ITPRID1: variants seen among roughly 807,000 people sequenced by gnomAD.
The protein encoded by ITPRID1 is protein ITPRID1.
Under a neutral mutation model 95.4 loss-of-function variants are expected in ITPRID1, and 96 were observed. That is an observed-to-expected ratio of 1.01 (90% confidence interval 0.85 to 1.19). The LOEUF (loss-of-function observed/expected upper bound fraction) is 1.19. Ranked by LOEUF, ITPRID1 falls within the 50% of genes most tolerant of loss-of-function variation. The probability of loss-of-function intolerance (pLI) is 0.00; values close to 1 mark genes in which losing one functional copy is unlikely to be tolerated. For synonymous variants in ITPRID1, 510 were observed against 453.6 expected (o/e 1.12, Z -1.58); for missense variants, 1,339 against 1,252.9 (o/e 1.07, Z -1.04).
chr7:31,516,450 T>G (rs1468855354), intron 1 of ITPRID1, among the ~76,000 whole-genome samples: 2 of 152,232 alleles, frequency 1.3e-5, no homozygotes, highest in Non-Finnish European at 2.9e-5. Context: ...TACTGTCTAA[T>G]TTAAAACACC....
intron 10 of ITPRID1, among the ~76,000 whole-genome samples, chr7:31,613,939 C>G (rs1442949978): frequency 6.6e-6 from 1 of 152,140 alleles, no homozygotes; most frequent in African/African-American, 2.4e-5. Flanking sequence ...TGGAAATATT[C>G]CATATTCCCT....
chr7:31,629,692 A>G (rs1421634015), intron 10 of ITPRID1, among the ~76,000 whole-genome samples: 2 of 152,216 alleles, frequency 1.3e-5, no homozygotes. Context: ...GCATCCTCAT[A>G]TTAGATGCCA....
At chr7:31,590,649 T>C (rs1290562640) in intron 10 of ITPRID1, among the ~76,000 whole-genome samples, 2 of 152,138 alleles carry the variant, frequency 1.3e-5, no homozygotes, top group South Asian at 2.1e-4. Flanking sequence ...AGAGATTTCA[T>C]TGGAGAACAC....
At chr7:31,599,609 CTTT>C (rs2128159057) in intron 10 of ITPRID1, among the ~76,000 whole-genome samples, 1 of 49,212 alleles carries the variant, frequency 2.0e-5, no homozygotes, top group Admixed American at 1.8e-4. Flanking sequence ...TTCTTTCTTT[CTTT>C]CTTTCTTTCT....
intron 10 of ITPRID1, among the ~76,000 whole-genome samples, chr7:31,623,710 G>T (rs111777111): frequency 7.2e-6 from 1 of 138,184 alleles, no homozygotes; most frequent in Non-Finnish European, 1.6e-5. Flanking sequence ...AGTTTTCAAA[G>T]GAAAACTTTG....
intron 10 of ITPRID1, among the ~76,000 whole-genome samples, chr7:31,612,593 C>T (rs926784313): frequency 1.1e-4 from 16 of 152,258 alleles, no homozygotes; most frequent in South Asian, 4.1e-4. Flanking sequence ...GAAGTTCCTA[C>T]TTGAATAGCC....
chr7:31,574,473 G>A, intron 7 of ITPRID1, 67 bp from the exon 8 acceptor site: 1 of 1,420,404 alleles, frequency 7.0e-7, no homozygotes. Context: ...GGTGGATGAG[G>A]TGACCAGAAA....
intron 1 of ITPRID1, among the ~76,000 whole-genome samples, chr7:31,532,863 T>G: frequency 6.6e-6 from 1 of 152,190 alleles, no homozygotes; most frequent in South Asian, 2.1e-4. Flanking sequence ...AATTTCACAT[T>G]CCTTTAACAA....
intron 10 of ITPRID1, among the ~76,000 whole-genome samples, chr7:31,588,243 G>A (rs904449050): frequency 2.6e-5 from 4 of 152,128 alleles, no homozygotes; most frequent in Non-Finnish European, 5.9e-5. Flanking sequence ...ACACATAGAA[G>A]GAAGGAATGG....
At position 31,653,097 on chromosome 7, in the gene ITPRID1, A is replaced by G; in HGVS notation, c.*268A>G. 2 of 688,964 alleles carry G rather than the reference A, an allele frequency of 2.9e-6. No homozygotes were observed. The highest frequency in any genetic ancestry group is 4.2e-6 in the Non-Finnish European group (2 of 478,116). 42.7% of individuals were successfully genotyped at this position (688,964 alleles called of 1,614,324 possible). ...CGGTCTCTGCCCTGCTAGAACTTAC[A>G]GTGTAGTGGGGGAGATAGAATTGCA... On this transcript the variant is annotated 3_prime_UTR_variant, in exon 15 of 15. Transcript: ENST00000615280.
chr7:31,584,643 C>T (rs1439666356), intron 10 of ITPRID1, among the ~76,000 whole-genome samples: 1 of 152,158 alleles, frequency 6.6e-6, no homozygotes, highest in East Asian at 1.9e-4. Flanking sequence ...TAAAATCTGA[C>T]TTATGGTACA....
At chr7:31,652,402 AAG>A in intron 14 of ITPRID1, 114 bp from the exon 15 acceptor site, 1 of 1,431,960 alleles carries the variant, frequency 7.0e-7, no homozygotes, top group Non-Finnish European at 9.2e-7. Flanking sequence ...TGCTGGCTCA[AAG>A]AGCCCATTCT....
chr7:31,526,041 CA>C (rs1783411456), intron 1 of ITPRID1, among the ~76,000 whole-genome samples: 1 of 152,156 alleles, frequency 6.6e-6, no homozygotes, highest in Non-Finnish European at 1.5e-5. Flanking sequence ...TTCATCTAGC[CA>C]GGGCTCTTGG....
chr7:31,540,952 A>G (rs1783914577), intron 1 of ITPRID1, among the ~76,000 whole-genome samples: 2 of 152,250 alleles, frequency 1.3e-5, no homozygotes, highest in South Asian at 4.1e-4. Context: ...ATTCCAGTCA[A>G]AGCCTTGGTA....
At chr7:31,611,241 T>A (rs1240886428) in intron 10 of ITPRID1, among the ~76,000 whole-genome samples, 1 of 151,818 alleles carries the variant, frequency 6.6e-6, no homozygotes, top group East Asian at 1.9e-4. Flanking sequence ...ATAGTTTTAT[T>A]TCCTCCTCCC....
intron 6 of ITPRID1, among the ~76,000 whole-genome samples, chr7:31,571,732 G>A (rs565096992): frequency 5.3e-5 from 8 of 152,144 alleles, no homozygotes; most frequent in East Asian, 1.9e-4. Flanking sequence ...CTTCAGTGAC[G>A]GCTGGCTGTA....
chr7:31,567,604 C>T (rs1325957792), intron 5 of ITPRID1, among the ~76,000 whole-genome samples: 25 of 141,512 alleles, frequency 1.8e-4, no homozygotes, highest in Admixed American at 1.1e-3. Flanking sequence ...TTTTTTGAAA[C>T]GGAGTCTTGC....
At chr7:31,554,313 C>G in intron 3 of ITPRID1, 162 bp from the exon 4 acceptor site, 1 of 1,272,172 alleles carries the variant, frequency 7.9e-7, no homozygotes, top group Non-Finnish European at 1.0e-6. Context: ...TCATGGAAAA[C>G]AGGAGATTTT....
chr7:31,574,820 A>T, intron 8 of ITPRID1, 78 bp downstream of exon 8: 1 of 1,313,730 alleles, frequency 7.6e-7, no homozygotes, highest in Non-Finnish European at 1.1e-6. Flanking sequence ...AGGCGAGGAG[A>T]TTGTGTGAAG....
Sources: gnomAD v4.1 joint callset for allele counts (sites outside exome capture counted in the v4.1 genomes callset) on GRCh38, gnomAD v4.1.1 for gene constraint, MANE v1.5 for transcripts, NCBI Gene and HGNC (gene_info 2026-07-23, HGNC 2026-07-21) for gene names.